The following GALNT18 variants were observed in gnomAD, a reference collection of about 807,000 sequenced individuals.
GALNT18 encodes GalNAc-transferase 18.
GALNT18 carries 44 observed loss-of-function variants against 69.5 expected under a neutral mutation model. That is an observed-to-expected ratio of 0.63 (90% CI 0.50 to 0.81). The LOEUF is 0.81. Among genes scored for constraint, GALNT18 ranks in the 40% least tolerant of loss-of-function variants. The pLI is 0.00. For synonymous variants in GALNT18, 364 were observed against 318.2 expected, an observed-to-expected ratio of 1.14 and a Z score of -1.53; for missense variants, 715 against 810.0, an observed-to-expected ratio of 0.88 and a Z score of 1.42.
Position 11,461,088 on chromosome 11 carries a change from G to A in GALNT18, c.236-12152C>T, listed in dbSNP as rs182706461. 1.4e-3 allele frequency among the ~76,000 whole-genome samples: 210 copies of A among 152,252 alleles called. No individual in the cohort carries two copies. Among genetic ancestry groups the A allele is most frequent in the Non-Finnish European group, 2.2e-3 (152 of 68,026 alleles). ...AGTCAGTTCAGTCCGGGCTGACATG[G>A]CAGACAAAGGACAGGAAGACATCTG... is the stretch of plus-strand genomic sequence containing the variant. On this transcript the variant is annotated intron_variant, in intron 1 of 10. Coordinates refer to ENST00000227756, the MANE Select transcript of GALNT18 (RefSeq NM_198516.3). The surrounding 1 kb of genome is among the most constrained non-coding windows in gnomAD (Gnocchi z 4.1).
At chr11:11,530,980 T>C (rs897989789) in intron 1 of GALNT18, among the ~76,000 whole-genome samples, 11 of 152,160 alleles carry the variant, frequency 7.2e-5, no homozygotes, top group African/African-American at 2.4e-4. Flanking sequence ...AGGCACTCAC[T>C]GAGGACAACA....
rs761466656 is a variant in GALNT18 at position 11,271,213 on chromosome 11, C to G, written c.1755G>C (p.Gln585His). ...QENSDLEFGF[Q>H]LVLQKCSGQH... Reference sequence around the variant, plus strand: ...GGCCCGAGCACTTCTGCAACACCAGCTGGAAGCCGAACTCCAGGTCGCTAT... The same window carrying G: ...GGCCCGAGCACTTCTGCAACACCAGGTGGAAGCCGAACTCCAGGTCGCTAT... Residue 585 changes from glutamine (Q) to histidine (H), a missense_variant, in exon 11 of 11, where the codon CAG becomes CAC. Transcript: ENST00000227756. The G allele has an allele frequency of 1.2e-5, 19 of 1,614,130 alleles. No individual in the cohort carries two copies. The highest frequency in any genetic ancestry group is 1.5e-5 in the Non-Finnish European group (18 of 1,179,998).
rs555258513 is a variant in GALNT18 at position 11,272,357 on chromosome 11, A to T, written c.1678-1067T>A. On this transcript the variant is annotated intron_variant, in intron 10 of 10. Transcript: ENST00000227756. The stretch of plus-strand genomic sequence containing the variant: ...TTCAGGCCACCAACTTCTTTCTCTC[A>T]CTGGGACAACTGTGTCAGCTCCCTA... 4.6e-5 allele frequency among the ~76,000 whole-genome samples: 7 copies of T among 152,146 alleles called. 1 individual carries two copies. The South Asian group carries it at 1.5e-3, about 32-fold the overall frequency.
chr11:11,293,140 G>T lies in GALNT18; in HGVS notation c.1566C>A (p.Thr522=). ...GGCATCGGTTGTCATCATCATCCAC[G>T]GTGGGGCTCAGAATGCCCACATGGA... ...QQIHVGILSP[T]VDDDDNRCLV... Residue 522 remains threonine (T), a synonymous_variant, in exon 10 of 11, where the codon ACC becomes ACA. Coordinates refer to ENST00000227756, the MANE Select transcript of GALNT18 (RefSeq NM_198516.3). 1 of 1,360,952 alleles carries T rather than the reference G, an allele frequency of 7.3e-7. No homozygotes were observed. 84.3% of individuals were successfully genotyped at this position (1,360,952 alleles called of 1,614,324 possible). A position where few individuals can be genotyped will look rare whatever the true frequency, so the allele number is the denominator to read the frequency against.
rs1589995289 is a variant in GALNT18 at position 11,430,729 on chromosome 11, T to A, written c.595+1892A>T. ...TGCCCATGGCTTCTCAGCCAAATGG[T>A]CCAACAGATTTTTCCTTCATAATAC... On this transcript the variant is annotated intron_variant, in intron 3 of 10. Transcript: ENST00000227756. The surrounding 1 kb of genome is among the most constrained non-coding windows in gnomAD (Gnocchi z 4.9). Among the ~76,000 whole-genome samples, 1 of 152,134 alleles carries A rather than the reference T, an allele frequency of 6.6e-6. No homozygotes were observed. The highest frequency in any genetic ancestry group is 6.5e-5 in the Admixed American group (1 of 15,280).
At position 11,337,409 on chromosome 11, in the gene GALNT18, C is replaced by A. The variant is rs1011953532; in HGVS notation, c.1278+3410G>T. ...GGTGGTTCTCAGTGGTTCTGAAGAA[C>A]TTTCCCAAAAAACAGATCCCAGAGG... On this transcript the variant is annotated intron_variant, in intron 7 of 10. Coordinates refer to ENST00000227756, the MANE Select transcript of GALNT18 (RefSeq NM_198516.3). The surrounding 1 kb of genome is among the most constrained non-coding windows in gnomAD (Gnocchi z 4.9). 6.6e-6 allele frequency among the ~76,000 whole-genome samples: 1 copy of A among 152,170 alleles called. No homozygotes were observed. The highest frequency in any genetic ancestry group is 2.4e-5 in the African/African-American group (1 of 41,438).
At chr11:11,453,665 C>T (rs1213866022) in intron 1 of GALNT18, among the ~76,000 whole-genome samples, 5 of 152,308 alleles carry the variant, frequency 3.3e-5, no homozygotes, top group Middle Eastern at 3.4e-3. Flanking sequence ...CTTTCCCATG[C>T]TGTTCTCACG....
At position 11,511,380 on chromosome 11, in the gene GALNT18, C is replaced by A. The variant is rs1360901243; in HGVS notation, c.236-62444G>T. Among the ~76,000 whole-genome samples the A allele has an allele frequency of 6.6e-6, 1 of 152,144 alleles. No homozygotes were observed. The highest frequency in any genetic ancestry group is 2.1e-4 in the South Asian group (1 of 4,820). ...GAGCTACAGCTCAAGGTTGCTGTGT[C>A]CCCGCAGCCAAGGCTGAAGCATGAC... On this transcript the variant is annotated intron_variant, in intron 1 of 10. Coordinates refer to ENST00000227756, the MANE Select transcript of GALNT18 (RefSeq NM_198516.3). This position sits in a 1 kb window ranked among gnomAD's most constrained non-coding sequence, Gnocchi z 4.9.
chr11:11,392,770 G>A (rs1854225476), intron 3 of GALNT18, among the ~76,000 whole-genome samples: 1 of 152,180 alleles, frequency 6.6e-6, no homozygotes, highest in South Asian at 2.1e-4. Context: ...GACTCTGCAA[G>A]TTCAACAGCA....
rs1224605700 is a variant in GALNT18, at chr11:11,377,656, C to T, written c.780-277G>A. On this transcript the variant is annotated intron_variant, in intron 4 of 10. Coordinates refer to ENST00000227756, the MANE Select transcript of GALNT18 (RefSeq NM_198516.3). The surrounding 1 kb of genome is among the most constrained non-coding windows in gnomAD (Gnocchi z 4.6). ...AGCCAACCTTGTGCCTGCTCGCTTTCCCTTTCTCCATTAGAAAAAAAAAAA... is the reference window on the plus strand; with the variant it reads ...AGCCAACCTTGTGCCTGCTCGCTTTTCCTTTCTCCATTAGAAAAAAAAAAA... 1.6e-5 allele frequency among the ~76,000 whole-genome samples: 2 copies of T among 127,020 alleles called. No individual in the cohort carries two copies. The highest frequency in any genetic ancestry group is 3.5e-5 in the Non-Finnish European group (2 of 57,794). The allele number at this position is 127,020 out of a possible 152,430, so 83.3% of individuals were successfully genotyped here. A position where few individuals can be genotyped will look rare whatever the true frequency, so the allele number is the denominator to read the frequency against.
chr11:11,305,125 T>C lies in GALNT18; in HGVS notation c.1513-11932A>G, dbSNP rs144256709. 9.9e-4 allele frequency among the ~76,000 whole-genome samples: 151 copies of C among 152,264 alleles called. 2 individuals carry two copies. In the East Asian group the frequency reaches 0.027, roughly 27 times the overall value. On this transcript the variant is annotated intron_variant, in intron 9 of 10. Coordinates refer to ENST00000227756, the MANE Select transcript of GALNT18 (RefSeq NM_198516.3). ...GCTGGAAAGATGGTGACCTCATCTA[T>C]GCAACGAAGAGACGGTTGGTGAAAT...
chr11:11,484,593 CAAAAAAAAAA>C (rs1159968814), intron 1 of GALNT18, among the ~76,000 whole-genome samples: 2 of 83,060 alleles, frequency 2.4e-5, no homozygotes, highest in East Asian at 3.4e-4. Context: ...AACTCCATCT[CAAAAAAAAAA>C]AAAAAAAAAA....
At position 11,337,961 on chromosome 11, in the gene GALNT18, A is replaced by ATTTTTT. The variant is rs11351706; in HGVS notation, c.1278+2852_1278+2857dup. On this transcript the variant is annotated intron_variant, in intron 7 of 10. Coordinates refer to ENST00000227756, the MANE Select transcript of GALNT18 (RefSeq NM_198516.3). This position sits in a 1 kb window ranked among gnomAD's most constrained non-coding sequence, Gnocchi z 4.9. ...TGTACATAGCAGGAGTCATTTAAAGATTTTTTTTTTTTTTTTTTTTTTGAG... is the reference window on the plus strand; with the variant it reads ...TGTACATAGCAGGAGTCATTTAAAGATTTTTTTTTTTTTTTTTTTTTTTTTTTTGAG... 4.2e-5 allele frequency among the ~76,000 whole-genome samples: 5 copies of ATTTTTT among 118,820 alleles called. No individual in the cohort carries two copies. Among genetic ancestry groups the ATTTTTT allele is most frequent in the African/African-American group, 1.3e-4 (4 of 30,456 alleles). The allele number at this position is 118,820 out of a possible 152,430, so 78.0% of individuals were successfully genotyped here. A position where few individuals can be genotyped will look rare whatever the true frequency, so the allele number is the denominator to read the frequency against.
chr11:11,539,927 T>C (rs1199480770), intron 1 of GALNT18, among the ~76,000 whole-genome samples: 2 of 152,360 alleles, frequency 1.3e-5, no homozygotes, highest in East Asian at 3.9e-4. Context: ...ACAAGTGTGA[T>C]ATACAGTTTC....
intron 10 of GALNT18, among the ~76,000 whole-genome samples, chr11:11,276,032 T>C (rs1397595620): frequency 6.6e-6 from 1 of 152,256 alleles, no homozygotes. Flanking sequence ...TTTGGTTCCA[T>C]ATGAACTTTA....
chr11:11,416,523 T>G (rs577822197), intron 3 of GALNT18, among the ~76,000 whole-genome samples: 1 of 152,224 alleles, frequency 6.6e-6, no homozygotes, highest in Non-Finnish European at 1.5e-5. Context: ...TTCTAATTCA[T>G]TTCTGTCACC....
chr11:11,547,568 T>G (rs962812370), intron 1 of GALNT18, among the ~76,000 whole-genome samples: 1 of 152,088 alleles, frequency 6.6e-6, no homozygotes, highest in African/African-American at 2.4e-5. Context: ...AGGAAGCCCC[T>G]CTTTGATACC....
intron 7 of GALNT18, among the ~76,000 whole-genome samples, chr11:11,333,558 C>T (rs1454074661): frequency 6.6e-6 from 1 of 152,164 alleles, no homozygotes; most frequent in Non-Finnish European, 1.5e-5. Flanking sequence ...CTGCTTTTAA[C>T]GTTACTCTAC....
rs11823183 is a variant in GALNT18 at position 11,281,789 on chromosome 11, A to G, written c.1678-10499T>C. ...ATTGGCTGCCTGAAGGGATGTGGGA[A>G]GGATGGATCACGGCCAAGAGTGGGG... On this transcript the variant is annotated intron_variant, in intron 10 of 10. Transcript: ENST00000227756. Among the ~76,000 whole-genome samples, 398 of 152,200 alleles carry G rather than the reference A, an allele frequency of 2.6e-3. 3 individuals carry two copies. Among genetic ancestry groups the G allele is most frequent in the African/African-American group, 9.2e-3 (381 of 41,514 alleles).
Sources: gnomAD v4.1 joint callset for allele counts (sites outside exome capture counted in the v4.1 genomes callset) on GRCh38, gnomAD v4.1.1 for gene constraint, Gnocchi (gnomAD v3.1) non-coding constraint, MANE v1.5 for transcripts, NCBI Gene and HGNC (gene_info 2026-07-23, HGNC 2026-07-21) for gene names.